Variants in CNTN4 observed in about 807,000 individuals in gnomAD.
CNTN4 encodes the protein contactin 4.
In CNTN4, 77 loss-of-function variants were observed where a neutral mutation model predicts 122.5. The observed-to-expected ratio is 0.63, with a 90% CI of 0.52 to 0.76. The LOEUF (loss-of-function observed/expected upper bound fraction) is 0.76, where lower values mean the gene tolerates loss of function less well. Ranked by LOEUF, CNTN4 falls within the 30% of genes least tolerant of loss-of-function variation. The pLI, the probability that CNTN4 is intolerant of heterozygous loss-of-function variation, is 0.00. For missense variants in CNTN4, 1,256 were observed against 1,259.1 expected, an observed-to-expected ratio of 1.00 and a Z score of 0.04; for synonymous variants, 512 against 447.0, an observed-to-expected ratio of 1.15 and a Z score of -1.83.
Position 2,709,664 on chromosome 3 carries a change from A to G in CNTN4, c.56-26551A>G, listed in dbSNP as rs1417282174. On this transcript the variant is annotated intron_variant, in intron 4 of 24. Coordinates refer to ENST00000418658, the MANE Select transcript of CNTN4 (RefSeq NM_175607.3). The surrounding 1 kb of genome is among the most constrained non-coding windows in gnomAD (Gnocchi z 5.0). Reference sequence around the variant, plus strand: ...TGCGGTGGCTCTCACCTGTAACCGCAGCACTTTGGGAGGCTGAGGCAGGTG... The same window carrying G: ...TGCGGTGGCTCTCACCTGTAACCGCGGCACTTTGGGAGGCTGAGGCAGGTG... Among the ~76,000 whole-genome samples the G allele has an allele frequency of 6.6e-6, 1 of 152,186 alleles. No homozygotes were observed. Among genetic ancestry groups the G allele is most frequent in the Admixed American group, 6.5e-5 (1 of 15,278 alleles).
intron 3 of CNTN4, among the ~76,000 whole-genome samples, chr3:2,445,931 T>A (rs926103042): frequency 2.0e-5 from 3 of 152,176 alleles, no homozygotes; most frequent in Non-Finnish European, 4.4e-5. Context: ...CTAGGTTGTA[T>A]GATTCTTGAG....
chr3:2,250,448 T>A (rs1194865959), intron 2 of CNTN4, among the ~76,000 whole-genome samples: 1 of 151,918 alleles, frequency 6.6e-6, no homozygotes, highest in East Asian at 1.9e-4. Context: ...TATTTTTTAA[T>A]CTATAAAATG....
chr3:2,476,522 G>A (rs1360786471), intron 3 of CNTN4, among the ~76,000 whole-genome samples: 1 of 152,150 alleles, frequency 6.6e-6, no homozygotes, highest in African/African-American at 2.4e-5. Context: ...ACCTCTTACG[G>A]CAAGAGTGAA....
intron 3 of CNTN4, among the ~76,000 whole-genome samples, chr3:2,376,295 G>C (rs2045813710): frequency 6.6e-6 from 1 of 152,088 alleles, no homozygotes; most frequent in African/African-American, 2.4e-5. Flanking sequence ...ATTATTCCCT[G>C]ATCCAAATTA....
rs1323726352 is a variant in CNTN4 at position 2,162,440 on chromosome 3, T to A, written c.-145+61801T>A. 4.6e-5 allele frequency among the ~76,000 whole-genome samples: 7 copies of A among 152,324 alleles called. No homozygotes were observed. In the East Asian group the frequency reaches 1.4e-3, roughly 29 times the overall value. The stretch of plus-strand genomic sequence containing the variant: ...TTTTGTTTTAGTTTTGTTTTTGAGA[T>A]CTTTATTTCTCCCAGCTACCTATCA... On this transcript the variant is annotated intron_variant, in intron 2 of 24. Transcript: ENST00000418658.
intron 6 of CNTN4, among the ~76,000 whole-genome samples, chr3:2,756,759 G>C (rs1321121105): frequency 6.6e-6 from 1 of 152,200 alleles, no homozygotes; most frequent in Non-Finnish European, 1.5e-5. Context: ...TGATCCAGCA[G>C]GGGAAACCAG....
intron 14 of CNTN4, among the ~76,000 whole-genome samples, chr3:3,014,411 G>A (rs957420733): frequency 1.3e-5 from 2 of 152,172 alleles, no homozygotes; most frequent in Non-Finnish European, 2.9e-5. Context: ...TTAGTTGGAA[G>A]TGGCAAGATA....
At chr3:2,106,257 C>T (rs1189552945) in intron 2 of CNTN4, among the ~76,000 whole-genome samples, 3 of 152,220 alleles carry the variant, frequency 2.0e-5, no homozygotes, top group African/African-American at 7.2e-5. Context: ...TAGCCCTCTT[C>T]TCACAGCTCC....
chr3:2,584,136 TGTA>T (rs1394073456), intron 4 of CNTN4, among the ~76,000 whole-genome samples: 3 of 152,190 alleles, frequency 2.0e-5, no homozygotes, highest in African/African-American at 4.8e-5. Flanking sequence ...TAATGTCTAT[TGTA>T]GTCATTTATT....
At chr3:2,331,034 A>G (rs1439583981) in intron 2 of CNTN4, among the ~76,000 whole-genome samples, 4 of 152,264 alleles carry the variant, frequency 2.6e-5, no homozygotes, top group Non-Finnish European at 5.9e-5. Flanking sequence ...TTTTCATACA[A>G]TTGTGCCTTT....
rs467919 is a variant in CNTN4, at chr3:3,042,756, T to G, written c.2512-221T>G. 259,503 of 602,142 alleles carry G rather than the reference T, an allele frequency of 0.43. 60,014 individuals are homozygous for G. Among genetic ancestry groups the G allele is most frequent in the African/African-American group, 0.68 (36,362 of 53,802 alleles). The allele number at this position is 602,142 out of a possible 1,614,324, so 37.3% of individuals were successfully genotyped here. Reference sequence around the variant, plus strand: ...AAGAAAATAATGAACGACGGTTGTGTCAATGTACCGTCTCACTAGGAAGCT... The same window carrying G: ...AAGAAAATAATGAACGACGGTTGTGGCAATGTACCGTCTCACTAGGAAGCT... On this transcript the variant is annotated intron_variant, in intron 21 of 24. Transcript: ENST00000418658.
intron 2 of CNTN4, among the ~76,000 whole-genome samples, chr3:2,246,111 A>G (rs1286848356): frequency 5.9e-5 from 9 of 151,942 alleles, no homozygotes; most frequent in African/African-American, 2.2e-4. Context: ...TAAAATTTTA[A>G]CCCTACATTC....
chr3:2,678,708 G>A (rs991053600), intron 4 of CNTN4, among the ~76,000 whole-genome samples: 4 of 152,134 alleles, frequency 2.6e-5, no homozygotes, highest in Non-Finnish European at 5.9e-5. Context: ...AAATAGCTCC[G>A]GATAGAATTT....
Position 3,009,456 on chromosome 3 carries a change from T to C in CNTN4, c.1487-16646T>C, listed in dbSNP as rs182262665. 2.5e-3 allele frequency among the ~76,000 whole-genome samples: 385 copies of C among 151,856 alleles called. 3 individuals are homozygous for C. Among genetic ancestry groups the C allele is most frequent in the African/African-American group, 3.2e-3 (131 of 41,342 alleles). On this transcript the variant is annotated intron_variant, in intron 14 of 24. Transcript: ENST00000418658. ...GACAGAATTTCTTTTTTTTTTGAGA[T>C]GGAGTCTTGCTCTGTCGCCCAGGCT...
intron 7 of CNTN4, among the ~76,000 whole-genome samples, chr3:2,827,761 C>T (rs758290899): frequency 1.3e-5 from 2 of 152,144 alleles, no homozygotes; most frequent in African/African-American, 2.4e-5. Flanking sequence ...TTAGCGTGTA[C>T]AGTATGTGCC....
At chr3:2,864,087 C>G (rs2093697617) in intron 7 of CNTN4, among the ~76,000 whole-genome samples, 1 of 152,142 alleles carries the variant, frequency 6.6e-6, no homozygotes, top group African/African-American at 2.4e-5. Flanking sequence ...TAATGATTAA[C>G]CTGTTGAAGT....
At chr3:2,306,961 A>G (rs2042731963) in intron 2 of CNTN4, among the ~76,000 whole-genome samples, 1 of 152,144 alleles carries the variant, frequency 6.6e-6, no homozygotes, top group Admixed American at 6.5e-5. Context: ...TTATATATTG[A>G]ACTTGTATCC....
chr3:2,648,991 G>A (rs548316849), intron 4 of CNTN4, among the ~76,000 whole-genome samples: 1 of 152,306 alleles, frequency 6.6e-6, no homozygotes, highest in Non-Finnish European at 1.5e-5. Flanking sequence ...ATTCTCTTAA[G>A]CGAAAGCCTA....
At chr3:2,882,947 G>A (rs1298755443) in intron 8 of CNTN4, 198 bp from the exon 9 acceptor site, 111 of 525,834 alleles carry the variant, frequency 2.1e-4, no homozygotes, top group South Asian at 1.7e-3. Flanking sequence ...GTGGTTCTGC[G>A]ACACAAATTT....
Sources: allele counts gnomAD v4.1 joint callset (sites outside exome capture counted in the v4.1 genomes callset), GRCh38; gene constraint gnomAD v4.1.1; non-coding constraint Gnocchi (gnomAD v3.1); transcripts MANE v1.5; gene names NCBI Gene and HGNC (gene_info 2026-07-23, HGNC 2026-07-21).